Variants in ZNF563 observed in about 807,000 individuals in gnomAD.
The protein encoded by ZNF563 is zinc finger protein 563.
Under a neutral mutation model 48.5 loss-of-function variants are expected in ZNF563, and 39 were observed. The observed-to-expected ratio is 0.80, with a 90% CI of 0.62 to 1.05. The LOEUF is 1.05. Ranked by LOEUF, ZNF563 falls within the 50% of genes least tolerant of loss-of-function variation. ZNF563 has a pLI of 0.00. For synonymous variants in ZNF563, 168 were observed against 187.9 expected (o/e 0.89, Z 0.87); for missense variants, 538 against 597.0 (o/e 0.90, Z 1.03).
At chr19:12,324,902 G>A (rs1459130745) in intron 1 of ZNF563, 1 of 151,926 alleles carries the variant, frequency 6.6e-6, no homozygotes, top group Non-Finnish European at 1.5e-5. Context: ...TTTGTCCTTG[G>A]CCCAATCACA....
At chr19:12,340,228 G>A in the ZNF563 span, among the ~76,000 whole-genome samples, 2 of 152,136 alleles carry the variant, frequency 1.3e-5, no homozygotes, top group South Asian at 2.1e-4. Flanking sequence ...TAGCTACTCC[G>A]GAAGCTGAGG....
upstream of ZNF563, among the ~76,000 whole-genome samples, chr19:12,338,651 C>T (rs953484562): frequency 2.0e-5 from 3 of 151,982 alleles, no homozygotes; most frequent in African/African-American, 4.8e-5. Context: ...GTCAGGAGTT[C>T]GAGACCCACC....
the ZNF563 span, among the ~76,000 whole-genome samples, chr19:12,344,633 G>A: frequency 6.6e-6 from 1 of 152,146 alleles, no homozygotes; most frequent in East Asian, 1.9e-4. Flanking sequence ...TTGAAAGACT[G>A]AAAGCCTTCC....
At chr19:12,322,518 A>T (rs1451360415) in intron 2 of ZNF563, 67 bp downstream of exon 2, 2 of 1,490,266 alleles carry the variant, frequency 1.3e-6, no homozygotes, top group East Asian at 5.3e-5. Flanking sequence ...CAAATCATTG[A>T]ACAGCACTGA....
chr19:12,320,165 C>T (rs185001354), intron 3 of ZNF563, among the ~76,000 whole-genome samples: 24 of 152,170 alleles, frequency 1.6e-4, no homozygotes, highest in Non-Finnish European at 2.9e-5. Context: ...ATCCACCCCC[C>T]CTTGGCCTCC....
At chr19:12,341,469 A>C in the ZNF563 span, among the ~76,000 whole-genome samples, 2 of 152,334 alleles carry the variant, frequency 1.3e-5, no homozygotes, top group African/African-American at 4.8e-5. Context: ...TGCCTACTAG[A>C]AACTCATTTT....
intron 1 of ZNF563, among the ~76,000 whole-genome samples, chr19:12,331,773 G>C (rs1968924399): frequency 6.6e-6 from 1 of 152,164 alleles, no homozygotes; most frequent in African/African-American, 2.4e-5. Context: ...GCCAGTCCCA[G>C]GCAGTTATCA....
the ZNF563 span, among the ~76,000 whole-genome samples, chr19:12,339,273 CTTTTTTT>C: frequency 5.6e-4 from 48 of 86,470 alleles, 1 homozygote; most frequent in East Asian, 1.5e-3. Context: ...CAGTTGATTT[CTTTTTTT>C]TTTTTTTTTT....
Position 12,333,521 on chromosome 19 carries a change from C to T in ZNF563, c.-39G>A, listed in dbSNP as rs754016455. The stretch of plus-strand genomic sequence containing the variant: ...GGATGTTCCAGGGTCCTCCCTCTGC[C>T]TCCCGCTGCCAGTGCGGGTCCCACT... On this transcript the variant is annotated 5_prime_UTR_variant, in exon 1 of 4. Coordinates refer to ENST00000293725, the MANE Select transcript of ZNF563 (RefSeq NM_145276.3). The T allele has an allele frequency of 6.2e-7, 1 of 1,612,844 alleles. No individual in the cohort carries two copies. Among genetic ancestry groups the T allele is most frequent in the South Asian group, 1.1e-5 (1 of 90,892 alleles).
chr19:12,336,034 C>G (rs1969017234), upstream of ZNF563, among the ~76,000 whole-genome samples: 2 of 152,194 alleles, frequency 1.3e-5, no homozygotes, highest in Non-Finnish European at 2.9e-5. Flanking sequence ...CTCACCAGCA[C>G]TGATGAGTTA....
chr19:12,346,668 C>T, the ZNF563 span: 1 of 152,184 alleles, frequency 6.6e-6, no homozygotes, highest in African/African-American at 2.4e-5. Context: ...TTATTGATAG[C>T]AGTCAAATTA....
the ZNF563 span, among the ~76,000 whole-genome samples, chr19:12,342,963 C>T: frequency 6.0e-5 from 9 of 150,606 alleles, no homozygotes; most frequent in East Asian, 3.9e-4. Context: ...TTTGGGAGGC[C>T]GAGGCGGGTG....
chr19:12,329,274 C>T (rs1592999), intron 1 of ZNF563, among the ~76,000 whole-genome samples: 28,927 of 151,884 alleles, frequency 0.19, 2,808 homozygotes, highest in East Asian at 0.25. Context: ...GAGTTCGAGA[C>T]CTGCTTGGCC....
chr19:12,319,338 C>G lies in ZNF563; in HGVS notation c.687G>C (p.Gln229His), dbSNP rs567692839. 8.7e-6 allele frequency: 14 copies of G among 1,614,168 alleles called. No homozygotes were observed. In the East Asian group the frequency reaches 2.9e-4, roughly 33 times the overall value. ...TGTAAAAAGGAAAGGCTTTAGAACACTGCTTACATTCATACGGTTTCTCTC... is the reference window on the plus strand; with the variant it reads ...TGTAAAAAGGAAAGGCTTTAGAACAGTGCTTACATTCATACGGTTTCTCTC... The part of the protein sequence containing the change: ...HTGEKPYECK[Q>H]CSKAFPFYSS... The change falls in exon 4 of 4, where the codon CAG (glutamine) becomes CAC (histidine). Residue 229 changes from glutamine to histidine, a missense_variant. Coordinates refer to ENST00000293725, the MANE Select transcript of ZNF563 (RefSeq NM_145276.3).
rs1461209156 is a variant in ZNF563 at position 12,319,504 on chromosome 19, C to T, written c.521G>A (p.Cys174Tyr). The T allele has an allele frequency of 5.4e-5, 87 of 1,614,054 alleles. No individual in the cohort carries two copies. The highest frequency in any genetic ancestry group is 7.3e-5 in the Non-Finnish European group (86 of 1,180,024). ...TGKKRYECKECGKTFSSRRNL... is the reference protein window; with the variant it reads ...TGKKRYECKEYGKTFSSRRNL... ...TCTACGAGAACTGAAGGTTTTTCCA[C>T]ATTCCTTACACTCATAGCGTTTCTT... Residue 174 changes from cysteine to tyrosine, a missense_variant, in exon 4 of 4, where the codon TGT becomes TAT. Physicochemically the swap from Cys to Tyr is radical, Grantham distance 194. Coordinates refer to ENST00000293725, the MANE Select transcript of ZNF563 (RefSeq NM_145276.3).
At chr19:12,328,825 A>G (rs1968858024) in intron 1 of ZNF563, among the ~76,000 whole-genome samples, 1 of 151,680 alleles carries the variant, frequency 6.6e-6, no homozygotes, top group African/African-American at 2.4e-5. Context: ...TAAAATATGT[A>G]ATCAGATTAT....
chr19:12,339,651 G>C, the ZNF563 span, among the ~76,000 whole-genome samples: 3 of 152,086 alleles, frequency 2.0e-5, no homozygotes, highest in Admixed American at 6.6e-5. Flanking sequence ...TTGGAATTAG[G>C]TGTAGCAGTC....
At position 12,322,645 on chromosome 19, in the gene ZNF563, A is replaced by G. The variant is rs1352289935; in HGVS notation, c.70T>C (p.Ser24Pro). 1.9e-6 allele frequency: 3 copies of G among 1,610,332 alleles called. No homozygotes were observed. The change falls in exon 2 of 4, where the codon TCA (serine) becomes CCA (proline). Residue 24 changes from serine to proline, a missense_variant. Transcript: ENST00000293725. The stretch of plus-strand genomic sequence containing the variant: ...ACATATCTGTATAAATTCTTCTGTG[A>G]TGGACCCAGCAAAGCCCATTCCTCC... ...TQEEWALLGP[S>P]QKNLYRYVMQ... is the part of the protein sequence containing the mutation.
chr19:12,334,266 T>C (rs937192282), upstream of ZNF563, among the ~76,000 whole-genome samples: 1 of 151,868 alleles, frequency 6.6e-6, no homozygotes, highest in Non-Finnish European at 1.5e-5. Context: ...AATAAATGAA[T>C]GAATGAATCA....
Sources: allele counts gnomAD v4.1 joint callset (sites outside exome capture counted in the v4.1 genomes callset), GRCh38; gene constraint gnomAD v4.1.1; transcripts MANE v1.5; gene names NCBI Gene and HGNC (gene_info 2026-07-23, HGNC 2026-07-21).